Variants in XPC observed in about 807,000 individuals in gnomAD.
XPC encodes the protein DNA repair protein complementing XP-C cells.
A neutral mutation model predicts 95.8 loss-of-function variants in XPC; 76 were observed. That is an observed-to-expected ratio of 0.79 (90% CI 0.66 to 0.96). XPC has a LOEUF of 0.96. XPC is among the 40% of genes least tolerant of loss of function. XPC has a pLI of 0.00. For synonymous variants in XPC, 442 were observed against 442.1 expected (o/e 1.00, Z 0.00); for missense variants, 1,146 against 1,179.8 (o/e 0.97, Z 0.42).
At chr3:14,169,999 C>G (rs1294972028) in intron 3 of XPC, among the ~76,000 whole-genome samples, 2 of 152,200 alleles carry the variant, frequency 1.3e-5, no homozygotes, top group Non-Finnish European at 2.9e-5. Flanking sequence ...ATCCTACAGC[C>G]TATACTGTGA....
rs749938820 is a variant in XPC, at chr3:14,148,720, G to A, written c.2262C>T (p.Asn754=). The A allele has an allele frequency of 5.0e-5, 81 of 1,613,878 alleles. No homozygotes were observed. Among genetic ancestry groups the A allele is most frequent in the Middle Eastern group, 1.6e-4 (1 of 6,082 alleles). The stretch of plus-strand genomic sequence containing the variant: ...GGAAGAGGTACACATTCCCAAACTC[G>A]TTCCGGGGCACCTGTGTCGGGTGAG... The part of the protein sequence containing the change: ...PVAVDGKVPR[N]EFGNVYLFLP... The change falls in exon 13 of 16, where the codon AAC becomes AAT. Residue 754 remains asparagine, a synonymous_variant. Transcript: ENST00000285021.
Position 14,147,285 on chromosome 3 carries a change from C to T in XPC, c.2604+5G>A, listed in dbSNP as rs763134396. ...TTGTCTTCTCTGCAAAGAACCTGCACTGACCTTGGGCCCGTAGCGACGCTT... is the reference window on the plus strand; with the variant it reads ...TTGTCTTCTCTGCAAAGAACCTGCATTGACCTTGGGCCCGTAGCGACGCTT... On this transcript the variant is annotated splice_donor_5th_base_variant and intron_variant, in intron 15 of 15. Transcript: ENST00000285021. 6.2e-7 allele frequency: 1 copy of T among 1,606,726 alleles called. No homozygotes were observed. Among genetic ancestry groups the T allele is most frequent in the South Asian group, 1.1e-5 (1 of 89,204 alleles).
intron 1 of XPC, among the ~76,000 whole-genome samples, chr3:14,175,525 G>C (rs1349899218): frequency 1.3e-5 from 2 of 151,934 alleles, no homozygotes; most frequent in African/African-American, 2.4e-5. Context: ...CATCTGTCTT[G>C]TTCAATATTA....
At chr3:14,165,608 G>A (rs1270101139) in intron 5 of XPC, 23 bp from the exon 6 acceptor site, 4 of 1,611,452 alleles carry the variant, frequency 2.5e-6, no homozygotes, top group Admixed American at 1.7e-5. Flanking sequence ...AAGGAGGAAG[G>A]GGCAGCATGG....
intron 11 of XPC, among the ~76,000 whole-genome samples, chr3:14,150,956 G>A (rs1298594326): frequency 6.6e-6 from 1 of 152,280 alleles, no homozygotes; most frequent in South Asian, 2.1e-4. Flanking sequence ...CGCTGGCCAA[G>A]GTGGGACAAG....
intron 11 of XPC, among the ~76,000 whole-genome samples, chr3:14,150,573 A>C (rs1013341637): frequency 6.6e-5 from 10 of 152,108 alleles, no homozygotes; most frequent in African/African-American, 1.9e-4. Context: ...TCTCCTGGAG[A>C]CCAGGCCATG....
In XPC at chr3:14,146,177, G is replaced by A. The variant is rs1163737547; in HGVS notation, c.2605-18C>T. On this transcript the variant is annotated intron_variant, in intron 15 of 15. Transcript: ENST00000285021. Reference sequence around the variant, plus strand: ...GCCTCACTCTGGACAGGTGGCAGTGGTGGGAGGACACAGGCGAGGGTTAGT... The same window carrying A: ...GCCTCACTCTGGACAGGTGGCAGTGATGGGAGGACACAGGCGAGGGTTAGT... 15 of 1,594,566 alleles carry A rather than the reference G, an allele frequency of 9.4e-6. No homozygotes were observed. Among genetic ancestry groups the A allele is most frequent in the Non-Finnish European group, 1.1e-5 (13 of 1,172,106 alleles).
chr3:14,147,134 A>G (rs1267040886), intron 15 of XPC, 156 bp downstream of exon 15: 2 of 775,198 alleles, frequency 2.6e-6, no homozygotes, highest in Non-Finnish European at 4.2e-6. Flanking sequence ...CCAACAAGGT[A>G]AAAACAAGCG....
At chr3:14,175,056 T>G (rs1696759267) in intron 1 of XPC, among the ~76,000 whole-genome samples, 1 of 152,104 alleles carries the variant, frequency 6.6e-6, no homozygotes, top group African/African-American at 2.4e-5. Context: ...CTCATAGCAC[T>G]CAGAATAAAA....
chr3:14,145,755 A>G lies in XPC; in HGVS notation c.*186T>C, dbSNP rs150535296. 48 of 752,008 alleles carry G rather than the reference A, an allele frequency of 6.4e-5. No individual in the cohort carries two copies. In the East Asian group the frequency reaches 1.2e-3, roughly 19 times the overall value. 46.6% of individuals were successfully genotyped at this position (752,008 alleles called of 1,614,324 possible). A position where few individuals can be genotyped will look rare whatever the true frequency, so the allele number is the denominator to read the frequency against. On this transcript the variant is annotated 3_prime_UTR_variant, in exon 16 of 16. Transcript: ENST00000285021. ...TGAATCTGACAAGGGCTGGAGCCAGACGGGACCTGCAGCACCTCCTCAGCT... is the reference window on the plus strand; with the variant it reads ...TGAATCTGACAAGGGCTGGAGCCAGGCGGGACCTGCAGCACCTCCTCAGCT...
Position 14,158,969 on chromosome 3 carries a change from A to G in XPC, c.991-77T>C. On this transcript the variant is annotated intron_variant, in intron 8 of 15. Coordinates refer to ENST00000285021, the MANE Select transcript of XPC (RefSeq NM_004628.5). This position sits in a 1 kb window ranked among gnomAD's most constrained non-coding sequence, Gnocchi z 5.2. ...TGATATGATAGAAATCCTGTAATCT[A>G]ATAGGGTTAAGTCACCAGCTAGAGA... 6.3e-7 allele frequency: 1 copy of G among 1,585,266 alleles called. No homozygotes were observed. The highest frequency in any genetic ancestry group is 8.6e-7 in the Non-Finnish European group (1 of 1,163,630).
At chr3:14,167,735 G>T (rs926867964) in intron 4 of XPC, among the ~76,000 whole-genome samples, 15 of 152,096 alleles carry the variant, frequency 9.9e-5, no homozygotes, top group African/African-American at 3.6e-4. Flanking sequence ...TCCCTCTTCT[G>T]TGCCTAGTAA....
rs751759776 is a variant in XPC at position 14,147,298 on chromosome 3, C to T, written c.2596G>A (p.Gly866Arg). The change falls in exon 15 of 16, where the codon GGG becomes AGG. Residue 866 changes from glycine (G) to arginine (R), a missense_variant. Coordinates refer to ENST00000285021, the MANE Select transcript of XPC (RefSeq NM_004628.5). The stretch of plus-strand genomic sequence containing the variant: ...AAAGAACCTGCACTGACCTTGGGCC[C>T]GTAGCGACGCTTCAGCCTCTCCCTG... ...LIRERLKRRY[G>R]PKSEAAAPHT... 11 of 1,609,652 alleles carry T rather than the reference C, an allele frequency of 6.8e-6. No individual in the cohort carries two copies. Among genetic ancestry groups the T allele is most frequent in the Middle Eastern group, 3.3e-4 (2 of 6,058 alleles).
At chr3:14,154,832 A>G (rs1695836794) in intron 10 of XPC, among the ~76,000 whole-genome samples, 2 of 22,944 alleles carry the variant, frequency 8.7e-5, no homozygotes, top group Non-Finnish European at 8.0e-5. Flanking sequence ...TTATATATAT[A>G]AATATATATA....
At chr3:14,166,104 CA>C in intron 5 of XPC, 1 of 156,136 alleles carries the variant, frequency 6.4e-6, no homozygotes, top group Non-Finnish European at 1.4e-5. Context: ...CCTCTGACCC[CA>C]AAACCCACCC....
chr3:14,166,209 C>T (rs181450056), intron 5 of XPC, among the ~76,000 whole-genome samples: 1 of 152,230 alleles, frequency 6.6e-6, no homozygotes, highest in African/African-American at 2.4e-5. Flanking sequence ...TTCCTCCCCC[C>T]CGACTAACAG....
chr3:14,146,958 C>T (rs745581991), intron 15 of XPC, among the ~76,000 whole-genome samples: 1 of 152,216 alleles, frequency 6.6e-6, no homozygotes, highest in Non-Finnish European at 1.5e-5. Context: ...ACTGGGAACA[C>T]TGGAAGGCGG....
intron 5 of XPC, among the ~76,000 whole-genome samples, chr3:14,166,342 G>A (rs752905152): frequency 2.8e-4 from 42 of 152,068 alleles, no homozygotes; most frequent in African/African-American, 8.4e-4. Context: ...CAGCTGTCTC[G>A]TTTCGTGCCC....
chr3:14,159,932 T>C lies in XPC; in HGVS notation c.901-102A>G, dbSNP rs900526125. 10 of 1,181,022 alleles carry C rather than the reference T, an allele frequency of 8.5e-6. No individual in the cohort carries two copies. The African/African-American group carries it at 1.2e-4, about 14-fold the overall frequency. 73.2% of individuals were successfully genotyped at this position (1,181,022 alleles called of 1,614,324 possible). ...GTGCTTGTTCAAGACAGGGAAAAGCTGGAAACAGCCAGACTGTCTAACAGT... is the reference window on the plus strand; with the variant it reads ...GTGCTTGTTCAAGACAGGGAAAAGCCGGAAACAGCCAGACTGTCTAACAGT... On this transcript the variant is annotated intron_variant, in intron 7 of 15. Transcript: ENST00000285021.
Sources: gnomAD v4.1 joint callset for allele counts (sites outside exome capture counted in the v4.1 genomes callset) on GRCh38, gnomAD v4.1.1 for gene constraint, Gnocchi (gnomAD v3.1) non-coding constraint, MANE v1.5 for transcripts, NCBI Gene and HGNC (gene_info 2026-07-23, HGNC 2026-07-21) for gene names.